PIEZO2: variants seen among roughly 807,000 people sequenced by gnomAD.
PIEZO2 encodes the protein piezo-type mechanosensitive ion channel component 2.
PIEZO2 carries 172 observed loss-of-function variants against 337.3 expected under a neutral mutation model. The observed-to-expected ratio is 0.51, with a 90% CI of 0.45 to 0.58. The LOEUF is 0.58. Among genes scored for constraint, PIEZO2 ranks in the 20% least tolerant of loss-of-function variants. The pLI is 0.00. For missense variants in PIEZO2, 3,028 were observed against 3,391.3 expected, an observed-to-expected ratio of 0.89 and a Z score of 2.66; for synonymous variants, 1,251 against 1,228.5, an observed-to-expected ratio of 1.02 and a Z score of -0.38.
At position 10,943,052 on chromosome 18, in the gene PIEZO2, A is replaced by G. The variant is rs1298149368; in HGVS notation, c.287-31824T>C. Among the ~76,000 whole-genome samples the G allele has an allele frequency of 3.3e-5, 5 of 152,202 alleles. No individual in the cohort carries two copies. The highest frequency in any genetic ancestry group is 2.0e-4 in the Admixed American group (3 of 15,290). ...CTGGGGTTTGGGAACCTCCACCTAG[A>G]TTTCAGAAGATACATGGAAACCCCT... On this transcript the variant is annotated intron_variant, in intron 3 of 55. Coordinates refer to ENST00000674853, the MANE Select transcript of PIEZO2 (RefSeq NM_001378183.1). This position sits in a 1 kb window ranked among gnomAD's most constrained non-coding sequence, Gnocchi z 4.5.
intron 3 of PIEZO2, among the ~76,000 whole-genome samples, chr18:10,974,096 C>G (rs1568256272): frequency 6.6e-6 from 1 of 152,120 alleles, no homozygotes; most frequent in Non-Finnish European, 1.5e-5. Context: ...AGCAGTGGCT[C>G]ACTCTGTAGT....
At position 10,724,548 on chromosome 18, in the gene PIEZO2, TTC is replaced by T. The variant is rs2036449077; in HGVS notation, c.5030-6291_5030-6290del. 9.2e-6 allele frequency: 5 copies of T among 543,062 alleles called. No homozygotes were observed. The highest frequency in any genetic ancestry group is 3.3e-6 in the Non-Finnish European group (1 of 300,310). 33.6% of individuals were successfully genotyped at this position (543,062 alleles called of 1,614,324 possible). ...CACTCATGCTGGTCTCCACATACCC[TTC>T]TGTGTCCCCAGAAGTCGACAGTGTG... On this transcript the variant is annotated intron_variant, in intron 36 of 55. Coordinates refer to ENST00000674853, the MANE Select transcript of PIEZO2 (RefSeq NM_001378183.1). The surrounding 1 kb of genome is among the most constrained non-coding windows in gnomAD (Gnocchi z 5.8).
chr18:10,714,392 A>C (rs1344606274), intron 39 of PIEZO2, among the ~76,000 whole-genome samples: 2 of 152,222 alleles, frequency 1.3e-5, no homozygotes, highest in East Asian at 3.9e-4. Flanking sequence ...CAACAGAAGT[A>C]GAAGACCCTA....
At chr18:10,960,590 A>G (rs1363102580) in intron 3 of PIEZO2, among the ~76,000 whole-genome samples, 1 of 150,164 alleles carries the variant, frequency 6.7e-6, no homozygotes, top group Non-Finnish European at 1.5e-5. Flanking sequence ...GTGGGCACCT[A>G]TTTTTACTTG....
chr18:10,723,888 TG>T (rs1412162268), intron 36 of PIEZO2, among the ~76,000 whole-genome samples: 10 of 152,158 alleles, frequency 6.6e-5, no homozygotes, highest in Non-Finnish European at 1.5e-4. Flanking sequence ...GAGGGTATTC[TG>T]GGGGGTACTG....
chr18:10,944,933 A>C (rs1266252754), intron 3 of PIEZO2, among the ~76,000 whole-genome samples: 2 of 152,252 alleles, frequency 1.3e-5, no homozygotes, highest in East Asian at 3.9e-4. Context: ...TCTTGCCGTG[A>C]GATAATGTCC....
At chr18:10,907,501 A>C (rs866093675) in intron 4 of PIEZO2, among the ~76,000 whole-genome samples, 4 of 152,224 alleles carry the variant, frequency 2.6e-5, no homozygotes, top group African/African-American at 7.2e-5. Context: ...AAGCACTGTG[A>C]GAATGCAGCC....
chr18:10,701,303 C>T (rs987942712), intron 43 of PIEZO2, among the ~76,000 whole-genome samples: 5 of 152,192 alleles, frequency 3.3e-5, no homozygotes, highest in African/African-American at 1.2e-4. Flanking sequence ...GTTTATAATT[C>T]ACAGCATGTG....
At chr18:10,800,270 A>G (rs1568072539) in intron 11 of PIEZO2, 67 bp downstream of exon 11, 2 of 1,483,056 alleles carry the variant, frequency 1.3e-6, no homozygotes. Flanking sequence ...CAACAACAAC[A>G]AAAAGAGAGA....
chr18:10,861,380 A>AG lies in PIEZO2; in HGVS notation c.493-4170_493-4169insC, dbSNP rs2041868108. ...CCATGTCAAAATCTAAAACTTATTT[A>AG]AAGATATTTAAGTCCTTTATCTCAC... On this transcript the variant is annotated intron_variant, in intron 5 of 55. Coordinates refer to ENST00000674853, the MANE Select transcript of PIEZO2 (RefSeq NM_001378183.1). The surrounding 1 kb of genome is among the most constrained non-coding windows in gnomAD (Gnocchi z 4.3). Among the ~76,000 whole-genome samples, 1 of 152,280 alleles carries AG rather than the reference A, an allele frequency of 6.6e-6. No individual in the cohort carries two copies. Among genetic ancestry groups the AG allele is most frequent in the Non-Finnish European group, 1.5e-5 (1 of 68,054 alleles).
Position 10,943,705 on chromosome 18 carries a change from G to T in PIEZO2, c.287-32477C>A, listed in dbSNP as rs2032844248. Among the ~76,000 whole-genome samples, 1 of 152,156 alleles carries T rather than the reference G, an allele frequency of 6.6e-6. No homozygotes were observed. The highest frequency in any genetic ancestry group is 1.5e-5 in the Non-Finnish European group (1 of 68,022). On this transcript the variant is annotated intron_variant, in intron 3 of 55. Coordinates refer to ENST00000674853, the MANE Select transcript of PIEZO2 (RefSeq NM_001378183.1). The surrounding 1 kb of genome is among the most constrained non-coding windows in gnomAD (Gnocchi z 4.5). ...GAGACTTTGGGGGACTGTTGGGAAGGCATGATTGGTTTTGAAATGTGAAGA... is the reference window on the plus strand; with the variant it reads ...GAGACTTTGGGGGACTGTTGGGAAGTCATGATTGGTTTTGAAATGTGAAGA...
chr18:10,769,472 T>G (rs1244818630), intron 21 of PIEZO2, among the ~76,000 whole-genome samples: 1 of 152,242 alleles, frequency 6.6e-6, no homozygotes, highest in Non-Finnish European at 1.5e-5. Context: ...ATATGTAACT[T>G]TTTAAAGATT....
chr18:11,028,136 G>A lies in PIEZO2; in HGVS notation c.160+37991C>T, dbSNP rs2036601105. On this transcript the variant is annotated intron_variant, in intron 2 of 55. Coordinates refer to ENST00000674853, the MANE Select transcript of PIEZO2 (RefSeq NM_001378183.1). This position sits in a 1 kb window ranked among gnomAD's most constrained non-coding sequence, Gnocchi z 4.8. ...TTTACATGGTGTGGCACCACGAGCT[G>A]CAAGTTCTACAAACTGTAACTTGGA... is the stretch of plus-strand genomic sequence containing the variant. Among the ~76,000 whole-genome samples the A allele has an allele frequency of 6.6e-6, 1 of 152,230 alleles. No individual in the cohort carries two copies. The highest frequency in any genetic ancestry group is 2.1e-4 in the South Asian group (1 of 4,828).
Position 11,111,569 on chromosome 18 carries a change from C to T in PIEZO2, c.64+36956G>A, listed in dbSNP as rs568263572. 2.0e-3 allele frequency among the ~76,000 whole-genome samples: 302 copies of T among 152,294 alleles called. 2 individuals carry two copies. Among genetic ancestry groups the T allele is most frequent in the Non-Finnish European group, 2.9e-3 (197 of 68,030 alleles). ...CATTCTCTATACCACCTTCAGGGCC[C>T]GCCCTGCCTGGGACCCTGTAGGGAC... On this transcript the variant is annotated intron_variant, in intron 1 of 55. Transcript: ENST00000674853. This position sits in a 1 kb window ranked among gnomAD's most constrained non-coding sequence, Gnocchi z 6.2.
intron 2 of PIEZO2, among the ~76,000 whole-genome samples, chr18:11,040,068 G>A (rs541346543): frequency 7.9e-4 from 119 of 150,488 alleles, no homozygotes; most frequent in South Asian, 1.5e-3. Flanking sequence ...TTCAGGAAAA[G>A]CCTCAAAAAT....
At chr18:11,124,518 T>C (rs1272588370) in intron 1 of PIEZO2, among the ~76,000 whole-genome samples, 1 of 152,130 alleles carries the variant, frequency 6.6e-6, no homozygotes, top group Non-Finnish European at 1.5e-5. Flanking sequence ...TGCCGAATGG[T>C]CAGCACCTTA....
At chr18:10,947,192 A>G (rs1044863572) in intron 3 of PIEZO2, among the ~76,000 whole-genome samples, 1 of 152,194 alleles carries the variant, frequency 6.6e-6, no homozygotes, top group African/African-American at 2.4e-5. Context: ...ATAAACTAAA[A>G]TAAATAAATG....
rs1448193717 is a variant in PIEZO2 at position 10,676,915 on chromosome 18, C to G, written c.8081+832G>C. Reference sequence around the variant, plus strand: ...TGGAGGCACCAATAGCCCAGTACCCCCGGGGGCAGGGCAGGGAGAATGCGA... The same window carrying G: ...TGGAGGCACCAATAGCCCAGTACCCGCGGGGGCAGGGCAGGGAGAATGCGA... On this transcript the variant is annotated intron_variant, in intron 53 of 55. Transcript: ENST00000674853. This position sits in a 1 kb window ranked among gnomAD's most constrained non-coding sequence, Gnocchi z 5.1. Among the ~76,000 whole-genome samples, 1 of 152,180 alleles carries G rather than the reference C, an allele frequency of 6.6e-6. No individual in the cohort carries two copies.
chr18:10,783,660 GGTGGC>G lies in PIEZO2; in HGVS notation c.2492+1119_2492+1123del, dbSNP rs2039110655. On this transcript the variant is annotated intron_variant, in intron 17 of 55. Coordinates refer to ENST00000674853, the MANE Select transcript of PIEZO2 (RefSeq NM_001378183.1). The surrounding 1 kb of genome is among the most constrained non-coding windows in gnomAD (Gnocchi z 4.3). ...GGTTTTAGCAGAGCCTGATTTTCCT[GGTGGC>G]TAGATAGCAAAACAAGTCATGACTG... Among the ~76,000 whole-genome samples the G allele has an allele frequency of 6.6e-6, 1 of 152,152 alleles. No individual in the cohort carries two copies. The highest frequency in any genetic ancestry group is 2.1e-4 in the South Asian group (1 of 4,826).
Sources: gnomAD v4.1 joint callset for allele counts (sites outside exome capture counted in the v4.1 genomes callset) on GRCh38, gnomAD v4.1.1 for gene constraint, Gnocchi (gnomAD v3.1) non-coding constraint, MANE v1.5 for transcripts, NCBI Gene and HGNC (gene_info 2026-07-23, HGNC 2026-07-21) for gene names.